The following COMP variants were observed in gnomAD, a reference collection of about 807,000 sequenced individuals.
COMP encodes cartilage oligomeric matrix protein (pseudoachondroplasia, epiphyseal dysplasia 1, multiple).
In COMP, 79 loss-of-function variants were observed where a neutral mutation model predicts 95.8. The ratio of observed to expected loss-of-function variants is 0.82; its 90% CI spans 0.69 to 0.99. The LOEUF is 0.99. Among genes scored for constraint, COMP ranks in the 50% least tolerant of loss-of-function variants. The probability of loss-of-function intolerance (pLI) is 0.00; values close to 1 mark genes in which losing one functional copy is unlikely to be tolerated. For synonymous variants in COMP, 438 were observed against 433.9 expected, an observed-to-expected ratio of 1.01 and a Z score of -0.12; for missense variants, 906 against 1,076.1, an observed-to-expected ratio of 0.84 and a Z score of 2.21.
chr19:18,791,020 C>T, intron 1 of COMP, 85 bp from the exon 2 acceptor site: 3 of 1,531,138 alleles, frequency 2.0e-6, no homozygotes, highest in Non-Finnish European at 2.6e-6. Flanking sequence ...ACCCGGACCT[C>T]CGAGGCCCCA....
Position 18,788,357 on chromosome 19 carries a change from T to C in COMP, c.868-38A>G. ...ACAGAAGGTGTGAGGGGCGCGGTCATGAAGTCCCGCCCTCCCTCCTGCCCA... is the reference window on the plus strand; with the variant it reads ...ACAGAAGGTGTGAGGGGCGCGGTCACGAAGTCCCGCCCTCCCTCCTGCCCA... On this transcript the variant is annotated intron_variant, in intron 8 of 18. Transcript: ENST00000222271. This position sits in a 1 kb window ranked among gnomAD's most constrained non-coding sequence, Gnocchi z 4.7. 1 of 1,607,312 alleles carries C rather than the reference T, an allele frequency of 6.2e-7. No individual in the cohort carries two copies. The highest frequency in any genetic ancestry group is 8.5e-7 in the Non-Finnish European group (1 of 1,178,764).
Position 18,784,255 on chromosome 19 carries a change from CCA to C in COMP, c.2021_2022del (p.Val674GlyfsTer27). The C allele has an allele frequency of 1.9e-6, 3 of 1,614,102 alleles. No homozygotes were observed. The highest frequency in any genetic ancestry group is 2.5e-6 in the Non-Finnish European group (3 of 1,180,036). The stretch of plus-strand genomic sequence containing the variant: ...CGATAGGACTTCTTGTCCTTCCAAC[CCA>C]CGTTTCGCGGGTCCTTCCACAGCAG... ...VRLLWKDPRN[V>X]GWKDKKSYRW... On this transcript the variant is annotated frameshift_variant, in exon 17 of 19. Transcript: ENST00000222271. LOFTEE classifies it high-confidence loss of function. The surrounding 1 kb of genome is among the most constrained non-coding windows in gnomAD (Gnocchi z 4.9).
In COMP at chr19:18,788,256, C is replaced by T; in HGVS notation, c.931G>A (p.Ala311Thr). The T allele has an allele frequency of 6.2e-7, 1 of 1,613,270 alleles. No individual in the cohort carries two copies. Among genetic ancestry groups the T allele is most frequent in the South Asian group, 1.1e-5 (1 of 91,086 alleles). Residue 311 changes from alanine to threonine, a missense_variant, in exon 9 of 19, where the codon GCC (alanine) becomes ACC (threonine). By Grantham distance (58) the Ala-to-Thr change is moderately conservative. Coordinates refer to ENST00000222271, the MANE Select transcript of COMP (RefSeq NM_000095.3). The surrounding 1 kb of genome is among the most constrained non-coding windows in gnomAD (Gnocchi z 4.7). The part of the protein sequence containing the change: ...EDVDRDGIGD[A>T]CDPDADGDGV... ...TCCCCGTCGGCATCCGGATCGCAGG[C>T]GTCTCCGATGCCATCGCGGTCCACA... is the stretch of plus-strand genomic sequence containing the variant.
At position 18,786,160 on chromosome 19, in the gene COMP, G is replaced by A. The variant is rs950287971; in HGVS notation, c.1308-14C>T. The A allele has an allele frequency of 6.2e-7, 1 of 1,614,108 alleles. No homozygotes were observed. Among genetic ancestry groups the A allele is most frequent in the Non-Finnish European group, 8.5e-7 (1 of 1,180,042 alleles). On this transcript the variant is annotated splice_polypyrimidine_tract_variant and intron_variant, in intron 12 of 18. Transcript: ENST00000222271. ...CCGTCTCCATCCCTAGAGTGGATAG[G>A]TGGGATCCAGAGACAATGAGCTCTC... is the stretch of plus-strand genomic sequence containing the variant.
chr19:18,784,356 T>C lies in COMP; in HGVS notation c.1922A>G (p.Lys641Arg), dbSNP rs2055149850. Residue 641 changes from lysine (K) to arginine (R), a missense_variant, in exon 17 of 19, where the codon AAG (lysine) becomes AGG (arginine). By Grantham distance (26) the Lys-to-Arg change is conservative. Coordinates refer to ENST00000222271, the MANE Select transcript of COMP (RefSeq NM_000095.3). This position sits in a 1 kb window ranked among gnomAD's most constrained non-coding sequence, Gnocchi z 4.9. ...CTGTTCCCCGGGGCCTGTGGAAGAC[T>C]TCACAGCCTGCCAATACCCAGGAAA... ...AEPGIQLKAV[K>R]SSTGPGEQLR... is the part of the protein sequence containing the mutation. The C allele has an allele frequency of 6.2e-7, 1 of 1,613,898 alleles. No homozygotes were observed. The highest frequency in any genetic ancestry group is 1.3e-5 in the African/African-American group (1 of 75,042).
chr19:18,789,925 T>A lies in COMP; in HGVS notation c.390+17A>T, dbSNP rs1386608415. 2 of 1,591,970 alleles carry A rather than the reference T, an allele frequency of 1.3e-6. No individual in the cohort carries two copies. The highest frequency in any genetic ancestry group is 1.7e-6 in the Non-Finnish European group (2 of 1,177,870). On this transcript the variant is annotated intron_variant, in intron 4 of 18. Coordinates refer to ENST00000222271, the MANE Select transcript of COMP (RefSeq NM_000095.3). This position sits in a 1 kb window ranked among gnomAD's most constrained non-coding sequence, Gnocchi z 6.1. ...AGAGGGAGTCGTCAGGGCGGTGGAG[T>A]GTCGGGGCTAGCGCACCTCGTTGAC...
At position 18,789,495 on chromosome 19, in the gene COMP, A is replaced by T. The variant is rs1412236610; in HGVS notation, c.391-198T>A. ...GGGCGCAACCGGGAGAGGAGAGGAG[A>T]GCTGTTCCCTCATGGGCGAGGGGAG... On this transcript the variant is annotated intron_variant, in intron 4 of 18. Transcript: ENST00000222271. This position sits in a 1 kb window ranked among gnomAD's most constrained non-coding sequence, Gnocchi z 6.1. Among the ~76,000 whole-genome samples, 1 of 148,466 alleles carries T rather than the reference A, an allele frequency of 6.7e-6. No individual in the cohort carries two copies. Among genetic ancestry groups the T allele is most frequent in the Non-Finnish European group, 1.5e-5 (1 of 67,198 alleles).
Position 18,785,545 on chromosome 19 carries a change from C to A in COMP, c.1670G>T (p.Gly557Val). 6.2e-7 allele frequency: 1 copy of A among 1,614,070 alleles called. No homozygotes were observed. The highest frequency in any genetic ancestry group is 8.5e-7 in the Non-Finnish European group (1 of 1,180,032). The stretch of plus-strand genomic sequence containing the variant: ...GTTCATTGTCTGCACGATCTCCCTT[C>A]CCTGATGGGGTCAAAGAAAGGAGGG... Reference protein sequence around the residue: ...IDPNWVVLNQGREIVQTMNSD... With the variant: ...IDPNWVVLNQVREIVQTMNSD... The change falls in exon 15 of 19, where the codon GGA becomes GTA. Residue 557 changes from glycine to valine, a missense_variant and splice_region_variant. Coordinates refer to ENST00000222271, the MANE Select transcript of COMP (RefSeq NM_000095.3).
intron 17 of COMP, among the ~76,000 whole-genome samples, chr19:18,783,613 T>TA (rs1192069387): frequency 1.4e-5 from 2 of 146,128 alleles, no homozygotes; most frequent in Admixed American, 6.8e-5. Flanking sequence ...TGCCTGGCAT[T>TA]TTTTTTTTTT....
At chr19:18,791,049 G>A in intron 1 of COMP, 114 bp from the exon 2 acceptor site, 3 of 1,507,900 alleles carry the variant, frequency 2.0e-6, no homozygotes, top group Non-Finnish European at 2.7e-6. Context: ...CTCTAGTCTC[G>A]GTCCCGCCAC....
chr19:18,789,842 G>A lies in COMP; in HGVS notation c.390+100C>T, dbSNP rs1182020980. The A allele has an allele frequency of 1.5e-5, 21 of 1,425,284 alleles. No individual in the cohort carries two copies. Among genetic ancestry groups the A allele is most frequent in the Non-Finnish European group, 2.0e-5 (21 of 1,042,112 alleles). The allele number at this position is 1,425,284 out of a possible 1,614,324, so 88.3% of individuals were successfully genotyped here. A position where few individuals can be genotyped will look rare whatever the true frequency, so the allele number is the denominator to read the frequency against. On this transcript the variant is annotated intron_variant, in intron 4 of 18. Coordinates refer to ENST00000222271, the MANE Select transcript of COMP (RefSeq NM_000095.3). This position sits in a 1 kb window ranked among gnomAD's most constrained non-coding sequence, Gnocchi z 6.1. Reference sequence around the variant, plus strand: ...CCCCCGGAGGTGAGAGGCTCTTCGGGGCGAACACTCCCAGTGGAGGAAGGG... The same window carrying A: ...CCCCCGGAGGTGAGAGGCTCTTCGGAGCGAACACTCCCAGTGGAGGAAGGG...
chr19:18,785,858 G>A lies in COMP; in HGVS notation c.1490-7C>T. The A allele has an allele frequency of 6.2e-7, 1 of 1,610,658 alleles. No homozygotes were observed. Among genetic ancestry groups the A allele is most frequent in the Non-Finnish European group, 8.5e-7 (1 of 1,179,980 alleles). On this transcript the variant is annotated splice_region_variant and splice_polypyrimidine_tract_variant and intron_variant, in intron 13 of 18. Coordinates refer to ENST00000222271, the MANE Select transcript of COMP (RefSeq NM_000095.3). ...ACGTCGCCCACGCCGTCCCCTGAGA[G>A]GTGGGAGACCCCTCGGTGGGCTAAA...
At position 18,785,043 on chromosome 19, in the gene COMP, G is replaced by T. The variant is rs1026729410; in HGVS notation, c.1767C>A (p.Asn589Lys). The T allele has an allele frequency of 1.2e-6, 2 of 1,614,116 alleles. No homozygotes were observed. Among genetic ancestry groups the T allele is most frequent in the Non-Finnish European group, 1.7e-6 (2 of 1,179,998 alleles). Residue 589 changes from asparagine to lysine, a missense_variant, in exon 16 of 19, where the codon AAC becomes AAA. Transcript: ENST00000222271. Reference protein sequence around the residue: ...GVDFEGTFHVNTVTDDDYAGF... With the variant: ...GVDFEGTFHVKTVTDDDYAGF... ...CCGCATAGTCGTCATCCGTGACCGT[G>T]TTCACATGGAACGTGCCCTCGAAGT...
intron 17 of COMP, among the ~76,000 whole-genome samples, chr19:18,783,971 C>T (rs1458140309): frequency 6.6e-6 from 1 of 152,182 alleles, no homozygotes; most frequent in Non-Finnish European, 1.5e-5. Context: ...CCTCGAACTC[C>T]TGGGCTCAAG....
Position 18,789,125 on chromosome 19 carries a change from T to C in COMP, c.528+35A>G. 6.3e-7 allele frequency: 1 copy of C among 1,578,282 alleles called. No individual in the cohort carries two copies. Among genetic ancestry groups the C allele is most frequent in the Admixed American group, 1.8e-5 (1 of 54,174 alleles). On this transcript the variant is annotated intron_variant, in intron 5 of 18. Coordinates refer to ENST00000222271, the MANE Select transcript of COMP (RefSeq NM_000095.3). This position sits in a 1 kb window ranked among gnomAD's most constrained non-coding sequence, Gnocchi z 6.1. ...TAAACAAAATGGACGCCCCCTTCCC[T>C]TCTGCTCCAAAAATGGGGCCCCCAC...
At chr19:18,787,822 C>A (rs1031634138) in intron 9 of COMP, among the ~76,000 whole-genome samples, 172 bp from the exon 10 acceptor site, 4 of 151,934 alleles carry the variant, frequency 2.6e-5, no homozygotes, top group Non-Finnish European at 4.4e-5. Flanking sequence ...CTTCCCTAGG[C>A]CCCGCTCACA....
chr19:18,788,622 G>A lies in COMP; in HGVS notation c.732C>T (p.Val244=). 2 of 1,549,296 alleles carry A rather than the reference G, an allele frequency of 1.3e-6. No homozygotes were observed. Among genetic ancestry groups the A allele is most frequent in the Non-Finnish European group, 1.7e-6 (2 of 1,147,156 alleles). The part of the protein sequence containing the change: ...PSECHEHADC[V]LERDGSRSCV... ...ACGACCGCGAGCCATCGCGCTCTAG[G>A]ACGCAGTCTGCATGCTCGTGGCACT... Residue 244 remains valine, a synonymous_variant, in exon 7 of 19, where the codon GTC becomes GTT. Transcript: ENST00000222271. The surrounding 1 kb of genome is among the most constrained non-coding windows in gnomAD (Gnocchi z 4.7).
Position 18,788,353 on chromosome 19 carries a change from G to T in COMP, c.868-34C>A, listed in dbSNP as rs374130892. ...GGGCACAGAAGGTGTGAGGGGCGCG[G>T]TCATGAAGTCCCGCCCTCCCTCCTG... On this transcript the variant is annotated intron_variant, in intron 8 of 18. Transcript: ENST00000222271. This position sits in a 1 kb window ranked among gnomAD's most constrained non-coding sequence, Gnocchi z 4.7. The T allele has an allele frequency of 3.2e-4, 518 of 1,607,472 alleles. 4 individuals carry two copies. The highest frequency in any genetic ancestry group is 3.3e-4 in the Middle Eastern group (2 of 6,034).
chr19:18,787,659 C>T lies in COMP; in HGVS notation c.976-9G>A. On this transcript the variant is annotated splice_polypyrimidine_tract_variant and intron_variant, in intron 9 of 18. Coordinates refer to ENST00000222271, the MANE Select transcript of COMP (RefSeq NM_000095.3). Reference sequence around the variant, plus strand: ...ACCAGCGGGCAGTTGTCCTGGATGACAGGGTGGGTTAAGGGTGAGATCAGG... The same window carrying T: ...ACCAGCGGGCAGTTGTCCTGGATGATAGGGTGGGTTAAGGGTGAGATCAGG... 1 of 1,613,424 alleles carries T rather than the reference C, an allele frequency of 6.2e-7. No individual in the cohort carries two copies. Among genetic ancestry groups the T allele is most frequent in the Non-Finnish European group, 8.5e-7 (1 of 1,180,022 alleles).
Sources: allele counts gnomAD v4.1 joint callset (sites outside exome capture counted in the v4.1 genomes callset), GRCh38; gene constraint gnomAD v4.1.1; non-coding constraint Gnocchi (gnomAD v3.1); transcripts MANE v1.5; gene names NCBI Gene and HGNC (gene_info 2026-07-23, HGNC 2026-07-21).